ITPR1: variants seen among roughly 807,000 people sequenced by gnomAD.
ITPR1 encodes the protein inositol 1,4,5-trisphosphate-gated calcium channel ITPR1.
Under a neutral mutation model 318.4 loss-of-function variants are expected in ITPR1, and 96 were observed. The observed-to-expected ratio is 0.30, with a 90% CI of 0.26 to 0.36. The LOEUF (loss-of-function observed/expected upper bound fraction) is 0.36, where lower values mean the gene tolerates loss of function less well. Among genes scored for constraint, ITPR1 ranks in the 10% least tolerant of loss-of-function variants. ITPR1 has a pLI of 1.00. For missense variants in ITPR1, 2,440 were observed against 3,460.2 expected (o/e 0.71, Z 7.40); for synonymous variants, 1,312 against 1,289.9 (o/e 1.02, Z -0.37).
intron 4 of ITPR1, among the ~76,000 whole-genome samples, chr3:4,572,825 A>G (rs2088171333): frequency 6.6e-6 from 1 of 152,206 alleles, no homozygotes; most frequent in Admixed American, 6.5e-5. Context: ...ACCTCATATA[A>G]CTGGAGTCAT....
At chr3:4,773,138 C>T (rs1187397802) in intron 46 of ITPR1, among the ~76,000 whole-genome samples, 7 of 152,186 alleles carry the variant, frequency 4.6e-5, no homozygotes, top group East Asian at 1.9e-4. Context: ...CTGGAAGAGG[C>T]GACTTGCGAT....
chr3:4,731,033 C>T (rs558639745), intron 42 of ITPR1, among the ~76,000 whole-genome samples: 15 of 152,290 alleles, frequency 9.8e-5, no homozygotes, highest in Non-Finnish European at 2.1e-4. Context: ...AAGTCTGTGT[C>T]ATACTGAAAG....
chr3:4,519,231 A>T (rs1005110596), intron 3 of ITPR1, among the ~76,000 whole-genome samples: 4 of 147,190 alleles, frequency 2.7e-5, no homozygotes, highest in African/African-American at 5.0e-5. Flanking sequence ...TGATTTATTT[A>T]TTTTTTTTTT....
At chr3:4,638,272 G>A (rs1163837770) in intron 5 of ITPR1, among the ~76,000 whole-genome samples, 1 of 152,198 alleles carries the variant, frequency 6.6e-6, no homozygotes, top group East Asian at 1.9e-4. Flanking sequence ...CCATCCATCA[G>A]ATTCAATACT....
chr3:4,495,402 C>G (rs1695806703), intron 2 of ITPR1, among the ~76,000 whole-genome samples: 1 of 152,182 alleles, frequency 6.6e-6, no homozygotes, highest in Non-Finnish European at 1.5e-5. Context: ...AAAAGTCAGA[C>G]ACTTCATTAT....
chr3:4,599,987 A>G (rs572358688), intron 4 of ITPR1, among the ~76,000 whole-genome samples: 1 of 152,188 alleles, frequency 6.6e-6, no homozygotes, highest in Admixed American at 6.5e-5. Flanking sequence ...TCCTTCCTAC[A>G]CTGGTACATG....
At chr3:4,576,866 C>T (rs915502700) in intron 4 of ITPR1, among the ~76,000 whole-genome samples, 6 of 152,150 alleles carry the variant, frequency 3.9e-5, no homozygotes, top group African/African-American at 9.7e-5. Context: ...GAGGGATCAG[C>T]GGAGATTTGG....
At chr3:4,602,711 C>A (rs2091389504) in intron 4 of ITPR1, among the ~76,000 whole-genome samples, 1 of 152,094 alleles carries the variant, frequency 6.6e-6, no homozygotes, top group Non-Finnish European at 1.5e-5. Flanking sequence ...CCTGCTACAA[C>A]ATGCATGAAC....
intron 40 of ITPR1, among the ~76,000 whole-genome samples, chr3:4,719,629 C>A (rs903431326): frequency 6.6e-6 from 1 of 152,120 alleles, no homozygotes. Context: ...GGAAGGGACG[C>A]CATGCTTTGA....
In ITPR1 at chr3:4,579,992, C is replaced by G. The variant is rs190353905; in HGVS notation, c.164-47771C>G. ...TTGGGAGGCCGAGACGGGTGGATCA[C>G]GAAGTCAGGAGATCGAGACCATCCT... is the stretch of plus-strand genomic sequence containing the variant. On this transcript the variant is annotated intron_variant, in intron 4 of 61. Coordinates refer to ENST00000649015, the MANE Select transcript of ITPR1 (RefSeq NM_001378452.1). Among the ~76,000 whole-genome samples the G allele has an allele frequency of 4.6e-5, 7 of 152,226 alleles. No homozygotes were observed. The East Asian group carries it at 1.2e-3, about 25-fold the overall frequency.
intron 10 of ITPR1, among the ~76,000 whole-genome samples, chr3:4,647,545 T>G (rs145854899): frequency 6.6e-6 from 1 of 152,340 alleles, no homozygotes; most frequent in African/African-American, 2.4e-5. Context: ...ATTGGACCAT[T>G]TTACATTCCC....
Position 4,662,083 on chromosome 3 carries a change from T to C in ITPR1, c.1253T>C (p.Ile418Thr). The C allele has an allele frequency of 6.2e-7, 1 of 1,612,418 alleles. No homozygotes were observed. Among genetic ancestry groups the C allele is most frequent in the Non-Finnish European group, 8.5e-7 (1 of 1,178,830 alleles). ...KEEEKPVMLK[I>T]GTSPVKEDKE... is the part of the protein sequence containing the mutation. ...CACAAGGACCACCTTGAATTTCAGA[T>C]TGGCACCTCTCCTGTGAAGGAGGAT... Residue 418 changes from isoleucine to threonine, a missense_variant and splice_region_variant, in exon 15 of 62, where the codon ATT becomes ACT. Physicochemically the swap from Ile to Thr is moderately conservative, Grantham distance 89 (BLOSUM62 -1). Around this residue, in one of 23 missense-constraint regions of ITPR1, gnomAD observed 101 missense variants for 119.6 expected, o/e 0.84. Transcript: ENST00000649015.
intron 17 of ITPR1, among the ~76,000 whole-genome samples, chr3:4,667,149 T>C (rs2093967334): frequency 6.6e-6 from 1 of 152,206 alleles, no homozygotes; most frequent in Non-Finnish European, 1.5e-5. Flanking sequence ...AAATACAGGC[T>C]ATTTTGCTTA....
Position 4,768,572 on chromosome 3 carries a change from T to A in ITPR1, c.5787T>A (p.Ala1929=), listed in dbSNP as rs1392022410. The A allele has an allele frequency of 3.7e-6, 6 of 1,613,780 alleles. No homozygotes were observed. The highest frequency in any genetic ancestry group is 1.3e-5 in the African/African-American group (1 of 74,908). Residue 1929 remains alanine, a synonymous_variant, in exon 46 of 62, where the codon GCT becomes GCA. Coordinates refer to ENST00000649015, the MANE Select transcript of ITPR1 (RefSeq NM_001378452.1). The part of the protein sequence containing the change: ...EVRDQLLEAS[A]ATRKAFTTFR... ...GGGATCAGCTCCTGGAGGCCTCCGCTGCCACCAGGAAAGCCTTCACCACTT... is the reference window on the plus strand; with the variant it reads ...GGGATCAGCTCCTGGAGGCCTCCGCAGCCACCAGGAAAGCCTTCACCACTT...
chr3:4,646,980 T>G (rs1457230895), intron 10 of ITPR1, among the ~76,000 whole-genome samples: 1 of 152,080 alleles, frequency 6.6e-6, no homozygotes, highest in Non-Finnish European at 1.5e-5. Context: ...ACTCAATGAA[T>G]TTTTACGTAT....
chr3:4,530,277 T>G (rs181608822), intron 4 of ITPR1, among the ~76,000 whole-genome samples: 41 of 152,326 alleles, frequency 2.7e-4, no homozygotes, highest in African/African-American at 7.5e-4. Context: ...TGCCCTGCAC[T>G]CCTGGCCCAG....
intron 42 of ITPR1, among the ~76,000 whole-genome samples, chr3:4,732,158 A>T (rs1330788290): frequency 1.3e-5 from 2 of 152,088 alleles, no homozygotes; most frequent in Non-Finnish European, 2.9e-5. Context: ...TGCAGAACGC[A>T]TGCTGCCTCT....
chr3:4,745,190 C>A (rs564114151), intron 44 of ITPR1, among the ~76,000 whole-genome samples: 47 of 120,214 alleles, frequency 3.9e-4, no homozygotes, highest in African/African-American at 1.4e-3. Flanking sequence ...TCATTTTTTT[C>A]TTTCTTTTCT....
intron 10 of ITPR1, among the ~76,000 whole-genome samples, chr3:4,650,638 TGTGTGTGCGC>T (rs770770216): frequency 0.017 from 2,378 of 142,356 alleles, 57 homozygotes; most frequent in African/African-American, 0.049. Flanking sequence ...TGTGTGTGTG[TGTGTGTGCGC>T]GCGTCTGTCT....
Sources: allele counts gnomAD v4.1 joint callset (sites outside exome capture counted in the v4.1 genomes callset), GRCh38; gene constraint gnomAD v4.1.1; regional missense constraint gnomAD v4.1.1; transcripts MANE v1.5; gene names NCBI Gene and HGNC (gene_info 2026-07-23, HGNC 2026-07-21).